Variants in ZFAND6 observed in about 807,000 individuals in gnomAD.
ZFAND6 encodes the protein zinc finger AN1-type containing 6.
ZFAND6 carries 12 observed loss-of-function variants against 24.5 expected under a neutral mutation model. That is an observed-to-expected ratio of 0.49 (90% CI 0.31 to 0.79). The LOEUF (loss-of-function observed/expected upper bound fraction) is 0.79, where lower values mean the gene tolerates loss of function less well. Among genes scored for constraint, ZFAND6 ranks in the 30% least tolerant of loss-of-function variants. The pLI is 0.04. For missense variants in ZFAND6, 207 were observed against 245.9 expected, an observed-to-expected ratio of 0.84 and a Z score of 1.06; for synonymous variants, 92 against 81.5, an observed-to-expected ratio of 1.13 and a Z score of -0.69.
chr15:80,095,863 C>T (rs943022209), intron 1 of ZFAND6, among the ~76,000 whole-genome samples: 2 of 152,166 alleles, frequency 1.3e-5, no homozygotes, highest in Non-Finnish European at 2.9e-5. Flanking sequence ...ATAGTCACTT[C>T]TTGTAAGAGA....
intron 6 of ZFAND6, among the ~76,000 whole-genome samples, chr15:80,132,686 G>A (rs1027914988): frequency 6.6e-6 from 1 of 152,152 alleles, no homozygotes; most frequent in Admixed American, 6.5e-5. Flanking sequence ...TGGTTCTCAT[G>A]TATTTTTCAT....
Position 80,069,919 on chromosome 15 carries a change from T to C in ZFAND6, c.-181+10110T>C, listed in dbSNP as rs188754039. Among the ~76,000 whole-genome samples the C allele has an allele frequency of 7.9e-5, 12 of 152,286 alleles. No individual in the cohort carries two copies. The East Asian group carries it at 2.1e-3, about 27-fold the overall frequency. On this transcript the variant is annotated intron_variant, in intron 1 of 6. Coordinates refer to ENST00000261749, the MANE Select transcript of ZFAND6 (RefSeq NM_019006.4). ...CACCACACCTGGCCATATTTTTTTATTTTTTATTCCCCATTGAGGTGTTTT... is the reference window on the plus strand; with the variant it reads ...CACCACACCTGGCCATATTTTTTTACTTTTTATTCCCCATTGAGGTGTTTT...
At chr15:80,065,452 C>T (rs534389184) in intron 1 of ZFAND6, among the ~76,000 whole-genome samples, 1 of 151,886 alleles carries the variant, frequency 6.6e-6, no homozygotes, top group African/African-American at 2.4e-5. Flanking sequence ...AGTCTCCCCC[C>T]CATCCCCCTT....
chr15:80,104,487 C>T (rs1435043451), intron 2 of ZFAND6, among the ~76,000 whole-genome samples: 2 of 152,110 alleles, frequency 1.3e-5, no homozygotes, highest in Non-Finnish European at 2.9e-5. Flanking sequence ...CCACTGCACT[C>T]CAGCCTGGGC....
intron 5 of ZFAND6, among the ~76,000 whole-genome samples, chr15:80,123,752 T>TA (rs927244240): frequency 6.6e-6 from 1 of 152,154 alleles, no homozygotes; most frequent in African/African-American, 2.4e-5. Flanking sequence ...CACATACCTG[T>TA]AGTCACAACT....
chr15:80,091,791 C>T (rs1038090608), intron 1 of ZFAND6, among the ~76,000 whole-genome samples: 10 of 152,112 alleles, frequency 6.6e-5, no homozygotes, highest in South Asian at 2.1e-4. Flanking sequence ...AGGCACGTGA[C>T]GCCATGCCTG....
intron 2 of ZFAND6, among the ~76,000 whole-genome samples, chr15:80,119,252 C>G (rs2040037011): frequency 6.6e-6 from 1 of 152,096 alleles, no homozygotes; most frequent in Admixed American, 6.5e-5. Flanking sequence ...TGACTAATGC[C>G]TCTGTCCTGT....
intron 1 of ZFAND6, among the ~76,000 whole-genome samples, chr15:80,085,304 G>A (rs1037520375): frequency 6.6e-6 from 1 of 152,178 alleles, no homozygotes; most frequent in Non-Finnish European, 1.5e-5. Context: ...TGAATGCTGG[G>A]ATTTGGGTCT....
intron 1 of ZFAND6, among the ~76,000 whole-genome samples, chr15:80,065,537 A>ATTTTTTTTTTTTTTTTTTTTTTT (rs149756891): frequency 1.3e-4 from 10 of 76,500 alleles, no homozygotes; most frequent in Admixed American, 1.7e-4. Flanking sequence ...TTTGGTTTTG[A>ATTTTTTTTTTTTTTTTTTTTTTT]TTTTTTTTTT....
At chr15:80,100,347 A>G (rs10519280) in intron 2 of ZFAND6, among the ~76,000 whole-genome samples, 7,257 of 152,298 alleles carry the variant, frequency 0.048, 250 homozygotes, top group Non-Finnish European at 0.075. Context: ...GGCCTTTGGA[A>G]CATACTAATG....
chr15:80,108,497 A>C (rs886352321), intron 2 of ZFAND6, among the ~76,000 whole-genome samples: 2 of 152,186 alleles, frequency 1.3e-5, no homozygotes, highest in Non-Finnish European at 2.9e-5. Context: ...TCTTTTTGCA[A>C]ATAAGAATAT....
At chr15:80,088,072 A>C (rs939947860) in intron 1 of ZFAND6, among the ~76,000 whole-genome samples, 3 of 152,208 alleles carry the variant, frequency 2.0e-5, no homozygotes, top group African/African-American at 7.2e-5. Context: ...TTATGCAATA[A>C]TATTATTTAA....
At chr15:80,091,160 G>GGTGTGT (rs61706731) in intron 1 of ZFAND6, among the ~76,000 whole-genome samples, 15,316 of 149,974 alleles carry the variant, frequency 0.1, 807 homozygotes, top group Middle Eastern at 0.13. Context: ...GTTGTTAAGG[G>GGTGTGT]GTGTGTGTGT....
chr15:80,095,425 T>C (rs1420468481), intron 1 of ZFAND6, among the ~76,000 whole-genome samples: 1 of 152,148 alleles, frequency 6.6e-6, no homozygotes, highest in Non-Finnish European at 1.5e-5. Flanking sequence ...GTTCCTCTAC[T>C]TAAGTTAATA....
chr15:80,077,646 T>G lies in ZFAND6; in HGVS notation c.-181+17837T>G, dbSNP rs142394429. ...TGGGAATTAAAGGTAATTATAAGCA[T>G]AGTAAAAATCCATGAATTACCCATT... On this transcript the variant is annotated intron_variant, in intron 1 of 6. Transcript: ENST00000261749. Among the ~76,000 whole-genome samples the G allele has an allele frequency of 3.1e-4, 47 of 151,864 alleles. No individual in the cohort carries two copies. In the East Asian group the frequency reaches 9.1e-3, roughly 29 times the overall value.
intron 5 of ZFAND6, among the ~76,000 whole-genome samples, chr15:80,127,079 G>T (rs1331606291): frequency 6.6e-6 from 1 of 152,094 alleles, no homozygotes; most frequent in Non-Finnish European, 1.5e-5. Context: ...CTGCACTTCA[G>T]CCTGGGTCAC....
intron 1 of ZFAND6, chr15:80,075,342 T>C: frequency 4.4e-6 from 1 of 228,534 alleles, no homozygotes; most frequent in Non-Finnish European, 8.9e-6. Flanking sequence ...TAGTGAAAGT[T>C]TAGCTGTTGA....
chr15:80,068,138 T>TG (rs1396154836), intron 1 of ZFAND6, among the ~76,000 whole-genome samples: 73 of 149,296 alleles, frequency 4.9e-4, no homozygotes, highest in Middle Eastern at 7.0e-3. Flanking sequence ...GTTTTTTTTT[T>TG]TTTTGTTTGT....
intron 1 of ZFAND6, among the ~76,000 whole-genome samples, chr15:80,067,724 ACTTAT>A (rs140650022): frequency 3.7e-4 from 57 of 152,284 alleles, no homozygotes; most frequent in African/African-American, 1.3e-3. Context: ...AATAATAGAT[ACTTAT>A]CTTAATTTAT....
Sources: gnomAD v4.1 joint callset for allele counts (sites outside exome capture counted in the v4.1 genomes callset) on GRCh38, gnomAD v4.1.1 for gene constraint, MANE v1.5 for transcripts, NCBI Gene and HGNC (gene_info 2026-07-23, HGNC 2026-07-21) for gene names.